QKI: variants seen among roughly 807,000 people sequenced by gnomAD.
QKI encodes the protein QKI, KH domain containing RNA binding.
QKI carries 10 observed loss-of-function variants against 39.0 expected under a neutral mutation model. That is an observed-to-expected ratio of 0.26 (90% CI 0.16 to 0.43). The LOEUF is 0.43. QKI is among the 20% of genes least tolerant of loss of function. The probability of loss-of-function intolerance (pLI) is 1.00; values close to 1 mark genes in which losing one functional copy is unlikely to be tolerated. For synonymous variants in QKI, 204 were observed against 155.4 expected (o/e 1.31, Z -2.33); for missense variants, 218 against 428.0 (o/e 0.51, Z 4.33).
At chr6:163,444,481 C>A (rs538859308) in intron 1 of QKI, among the ~76,000 whole-genome samples, 20 of 152,166 alleles carry the variant, frequency 1.3e-4, no homozygotes, top group Non-Finnish European at 2.5e-4. Context: ...GGATTGTAAT[C>A]TTTCTCCACC....
chr6:163,570,330 T>C, intron 7 of QKI: 1 of 983,474 alleles, frequency 1.0e-6, no homozygotes, highest in Non-Finnish European at 1.2e-6. Context: ...GCACTGACTG[T>C]TTAAAAATTC....
At chr6:163,506,691 A>T (rs561254209) in intron 3 of QKI, among the ~76,000 whole-genome samples, 1 of 152,342 alleles carries the variant, frequency 6.6e-6, no homozygotes, top group East Asian at 1.9e-4. Context: ...TGTAACTCTT[A>T]TCTTAACCAC....
chr6:163,562,103 T>G (rs1208880571), intron 5 of QKI, 34 bp downstream of exon 5: 1 of 1,527,538 alleles, frequency 6.5e-7, no homozygotes, highest in African/African-American at 1.4e-5. Context: ...GGGTTACTGC[T>G]GTCTGCGTTG....
At chr6:163,525,267 C>CTT (rs59849901) in intron 3 of QKI, among the ~76,000 whole-genome samples, 5 of 139,212 alleles carry the variant, frequency 3.6e-5, no homozygotes, top group Non-Finnish European at 1.5e-5. Flanking sequence ...ATCTTGTTTC[C>CTT]TTTTTTTTTT....
At chr6:163,445,195 A>AT (rs1433818441) in intron 1 of QKI, among the ~76,000 whole-genome samples, 1 of 152,200 alleles carries the variant, frequency 6.6e-6, no homozygotes, top group African/African-American at 2.4e-5. Flanking sequence ...TAACTCATAT[A>AT]ATCATAGTAT....
At chr6:163,442,180 AT>A (rs143823407) in intron 1 of QKI, among the ~76,000 whole-genome samples, 11,971 of 152,264 alleles carry the variant, frequency 0.079, 529 homozygotes, top group Middle Eastern at 0.12. Context: ...CATTTAAAAG[AT>A]TGCAAAAGTA....
chr6:163,573,811 T>C lies in QKI; in HGVS notation c.*3101T>C, dbSNP rs1156269567. On this transcript the variant is annotated 3_prime_UTR_variant, in exon 8 of 8. Coordinates refer to ENST00000361752, the MANE Select transcript of QKI (RefSeq NM_006775.3). ...ATACCAACCTACTAACTCTGGACTT[T>C]GTCTGTTTATTAACCTTTATATGTT... 1 of 152,226 alleles carries C rather than the reference T, an allele frequency of 6.6e-6. No homozygotes were observed. The highest frequency in any genetic ancestry group is 1.5e-5 in the Non-Finnish European group (1 of 68,048). The allele number at this position is 152,226 out of a possible 1,614,324, so 9.4% of individuals were successfully genotyped here.
intron 1 of QKI, among the ~76,000 whole-genome samples, chr6:163,422,482 A>G (rs1157789314): frequency 6.6e-6 from 1 of 152,184 alleles, no homozygotes; most frequent in African/African-American, 2.4e-5. Flanking sequence ...AGTCCCAGCT[A>G]CTTGGGACGC....
At chr6:163,461,779 A>G (rs1791371145) in intron 2 of QKI, among the ~76,000 whole-genome samples, 1 of 152,192 alleles carries the variant, frequency 6.6e-6, no homozygotes, top group Non-Finnish European at 1.5e-5. Context: ...TTGAGAGAGC[A>G]GTGTCTCCGG....
intron 4 of QKI, among the ~76,000 whole-genome samples, chr6:163,546,540 A>T (rs1159148255): frequency 6.6e-6 from 1 of 151,926 alleles, no homozygotes; most frequent in Non-Finnish European, 1.5e-5. Context: ...ATATTAAATG[A>T]TTCAGAAATC....
intron 4 of QKI, among the ~76,000 whole-genome samples, chr6:163,550,818 C>T (rs1012262174): frequency 3.9e-5 from 6 of 151,928 alleles, no homozygotes; most frequent in East Asian, 1.9e-4. Context: ...TGGTGGTGGG[C>T]GCCTGTAGTC....
At chr6:163,416,158 C>T (rs1238463081) in intron 1 of QKI, among the ~76,000 whole-genome samples, 1 of 151,540 alleles carries the variant, frequency 6.6e-6, no homozygotes, top group Non-Finnish European at 1.5e-5. Flanking sequence ...ACGCAGCCGC[C>T]TGAGTTTGTA....
At chr6:163,479,349 G>A (rs1293092925) in intron 3 of QKI, among the ~76,000 whole-genome samples, 1 of 152,164 alleles carries the variant, frequency 6.6e-6, no homozygotes, top group African/African-American at 2.4e-5. Context: ...GTGTTGTCAT[G>A]ATTTTCCCTT....
At chr6:163,563,993 C>T (rs888055936) in intron 6 of QKI, 55 of 1,284,130 alleles carry the variant, frequency 4.3e-5, no homozygotes, top group Non-Finnish European at 5.2e-5. Context: ...TTACATTTGA[C>T]ATTACTGAGG....
chr6:163,415,377 G>C (rs376175617), intron 1 of QKI, 42 bp downstream of exon 1: 15 of 1,553,876 alleles, frequency 9.7e-6, no homozygotes, highest in Non-Finnish European at 1.3e-5. Context: ...GACCCCCGCC[G>C]GGGCGGCCCC....
chr6:163,456,232 C>T (rs1790901357), intron 2 of QKI, among the ~76,000 whole-genome samples: 1 of 152,194 alleles, frequency 6.6e-6, no homozygotes, highest in Non-Finnish European at 1.5e-5. Flanking sequence ...TCTAGCTACT[C>T]ACTGTTTCAC....
At chr6:163,560,813 T>C (rs755968515) in intron 4 of QKI, among the ~76,000 whole-genome samples, 2 of 152,172 alleles carry the variant, frequency 1.3e-5, no homozygotes, top group East Asian at 1.9e-4. Context: ...TGTGTAGAGA[T>C]TGATTGGAGA....
chr6:163,568,751 TG>T (rs1342331718), intron 7 of QKI: 1 of 985,288 alleles, frequency 1.0e-6, no homozygotes, highest in Non-Finnish European at 1.2e-6. Context: ...GAGTACTACA[TG>T]GTTGACCAAT....
At chr6:163,564,571 A>G in intron 6 of QKI, 1 of 1,597,694 alleles carries the variant, frequency 6.3e-7, no homozygotes, top group East Asian at 2.2e-5. Context: ...AATCTCACTT[A>G]AGGCAGAAAT....
Sources: gnomAD v4.1 joint callset for allele counts (sites outside exome capture counted in the v4.1 genomes callset) on GRCh38, gnomAD v4.1.1 for gene constraint, MANE v1.5 for transcripts, NCBI Gene and HGNC (gene_info 2026-07-23, HGNC 2026-07-21) for gene names.